DPP10: variants seen among roughly 807,000 people sequenced by gnomAD.
DPP10 encodes the protein inactive dipeptidyl peptidase 10.
A neutral mutation model predicts 120.9 loss-of-function variants in DPP10; 33 were observed. The observed-to-expected ratio is 0.27, with a 90% CI of 0.21 to 0.37. The LOEUF (loss-of-function observed/expected upper bound fraction) is 0.37. DPP10 is among the 10% of genes least tolerant of loss of function. The probability of loss-of-function intolerance (pLI) is 1.00; values close to 1 mark genes in which losing one functional copy is unlikely to be tolerated. For synonymous variants in DPP10, 337 were observed against 326.1 expected (o/e 1.03, Z -0.36); for missense variants, 816 against 942.8 (o/e 0.87, Z 1.76).
intron 9 of DPP10, among the ~76,000 whole-genome samples, chr2:115,742,839 G>A (rs1430739813): frequency 6.6e-6 from 1 of 151,988 alleles, no homozygotes; most frequent in South Asian, 2.1e-4. Flanking sequence ...AATGAGTATA[G>A]CAAATACCTA....
chr2:115,413,259 G>A (rs2069102113), intron 3 of DPP10, among the ~76,000 whole-genome samples: 1 of 152,170 alleles, frequency 6.6e-6, no homozygotes, highest in African/African-American at 2.4e-5. Context: ...ACCAAATGGT[G>A]AAGGCCAGGT....
At chr2:114,471,692 T>C (rs1679931219) in intron 1 of DPP10, among the ~76,000 whole-genome samples, 1 of 152,242 alleles carries the variant, frequency 6.6e-6, no homozygotes, top group African/African-American at 2.4e-5. Context: ...TTATTAGTTT[T>C]AGTGCCTTTT....
chr2:114,913,849 C>G (rs940212854), intron 1 of DPP10, among the ~76,000 whole-genome samples: 10 of 152,090 alleles, frequency 6.6e-5, no homozygotes, highest in African/African-American at 2.4e-4. Context: ...AACACAAGAG[C>G]TGAACGATGA....
chr2:115,711,434 T>C (rs1436485755), intron 7 of DPP10, among the ~76,000 whole-genome samples: 3 of 152,102 alleles, frequency 2.0e-5, no homozygotes, highest in Non-Finnish European at 4.4e-5. Flanking sequence ...TGAGAGTCAT[T>C]CTGGATTCTT....
At chr2:115,651,426 T>C (rs1368985912) in intron 5 of DPP10, among the ~76,000 whole-genome samples, 1 of 152,062 alleles carries the variant, frequency 6.6e-6, no homozygotes, top group East Asian at 1.9e-4. Context: ...TGAATTATCT[T>C]CTAAAATGGT....
intron 1 of DPP10, among the ~76,000 whole-genome samples, chr2:114,770,219 C>T (rs766140107): frequency 3.9e-5 from 6 of 152,132 alleles, no homozygotes; most frequent in African/African-American, 7.2e-5. Flanking sequence ...AGAGTGAGCC[C>T]GGAAGAGGGA....
intron 1 of DPP10, among the ~76,000 whole-genome samples, chr2:115,241,018 C>A (rs2058248882): frequency 6.6e-6 from 1 of 152,134 alleles, no homozygotes; most frequent in African/African-American, 2.4e-5. Context: ...CGCCTGTAAT[C>A]CCAGCACTTT....
chr2:114,603,904 A>C (rs1692577455), intron 1 of DPP10, among the ~76,000 whole-genome samples: 1 of 152,124 alleles, frequency 6.6e-6, no homozygotes, highest in Non-Finnish European at 1.5e-5. Context: ...CTCATCTTGT[A>C]GTCATATATA....
At chr2:114,477,906 T>G (rs1319369605) in intron 1 of DPP10, among the ~76,000 whole-genome samples, 7 of 150,782 alleles carry the variant, frequency 4.6e-5, no homozygotes, top group African/African-American at 1.7e-4. Context: ...TGTGTATATA[T>G]GTACATATAT....
At chr2:114,585,344 T>C (rs1233245056) in intron 1 of DPP10, among the ~76,000 whole-genome samples, 3 of 152,174 alleles carry the variant, frequency 2.0e-5, no homozygotes, top group Non-Finnish European at 4.4e-5. Context: ...TCGTTGACTC[T>C]CTCATTCTTC....
intron 1 of DPP10, among the ~76,000 whole-genome samples, chr2:114,540,077 T>C (rs939871389): frequency 6.6e-6 from 1 of 152,212 alleles, no homozygotes; most frequent in African/African-American, 2.4e-5. Context: ...TAACAGGAAA[T>C]GTGCAACATA....
chr2:114,553,305 A>T (rs1688035811), intron 1 of DPP10, among the ~76,000 whole-genome samples: 3 of 152,158 alleles, frequency 2.0e-5, no homozygotes, highest in African/African-American at 7.2e-5. Context: ...GCTGTCACTG[A>T]TAATTTCCAG....
At chr2:114,497,037 A>AATATG (rs1558813111) in intron 1 of DPP10, among the ~76,000 whole-genome samples, 1 of 129,316 alleles carries the variant, frequency 7.7e-6, no homozygotes, top group African/African-American at 2.6e-5. Flanking sequence ...GTATATATAC[A>AATATG]TATATATGCA....
chr2:115,544,768 T>G (rs918284472), intron 5 of DPP10, among the ~76,000 whole-genome samples: 6 of 152,056 alleles, frequency 3.9e-5, no homozygotes, highest in Non-Finnish European at 7.4e-5. Flanking sequence ...GAACTTTACC[T>G]ACAGAGGGGT....
intron 3 of DPP10, among the ~76,000 whole-genome samples, chr2:115,368,104 TG>T (rs1373682858): frequency 6.6e-6 from 1 of 152,192 alleles, no homozygotes; most frequent in Non-Finnish European, 1.5e-5. Context: ...AAGGTTTACC[TG>T]AACTCCTTAC....
At chr2:114,861,386 A>G (rs1304565826) in intron 1 of DPP10, among the ~76,000 whole-genome samples, 1 of 152,224 alleles carries the variant, frequency 6.6e-6, no homozygotes, top group Non-Finnish European at 1.5e-5. Flanking sequence ...GACTATGGCG[A>G]AGACTTTGAG....
chr2:115,217,649 A>G (rs1409052485), intron 1 of DPP10, among the ~76,000 whole-genome samples: 1 of 152,188 alleles, frequency 6.6e-6, no homozygotes, highest in Non-Finnish European at 1.5e-5. Context: ...CTTCAATTTC[A>G]TCATCACCTG....
chr2:115,047,600 T>C (rs1204017260), intron 1 of DPP10, among the ~76,000 whole-genome samples: 2 of 151,980 alleles, frequency 1.3e-5, no homozygotes. Flanking sequence ...AAAATAACAA[T>C]AGCCAATGTG....
intron 1 of DPP10, among the ~76,000 whole-genome samples, chr2:114,654,068 C>G (rs1696801777): frequency 6.6e-6 from 1 of 152,042 alleles, no homozygotes; most frequent in Admixed American, 6.5e-5. Flanking sequence ...TAGCTTTTTT[C>G]TCTCAAATAT....
Sources: gnomAD v4.1 joint callset for allele counts (sites outside exome capture counted in the v4.1 genomes callset) on GRCh38, gnomAD v4.1.1 for gene constraint, MANE v1.5 for transcripts, NCBI Gene and HGNC (gene_info 2026-07-23, HGNC 2026-07-21) for gene names.